Variants in OR52A5 observed in about 807,000 individuals in gnomAD.
The protein encoded by OR52A5 is olfactory receptor family 52 subfamily A member 5, also known as olfactory receptor 52A5.
A neutral mutation model predicts 18.2 loss-of-function variants in OR52A5; 16 were observed. The observed-to-expected ratio is 0.88, with a 90% CI of 0.60 to 1.34. The LOEUF (loss-of-function observed/expected upper bound fraction) is 1.34. Ranked by LOEUF, OR52A5 falls within the 40% of genes most tolerant of loss-of-function variation. The probability of loss-of-function intolerance (pLI) is 0.00; values close to 1 mark genes in which losing one functional copy is unlikely to be tolerated. For missense variants in OR52A5, 418 were observed against 383.0 expected (o/e 1.09, Z -0.76); for synonymous variants, 140 against 137.2 (o/e 1.02, Z -0.14).
chr11:5,138,062 A>C (rs1190427259), intron 1 of OR52A5: 2 of 152,188 alleles, frequency 1.3e-5, no homozygotes, highest in Admixed American at 1.3e-4. Context: ...ATCATTCTCT[A>C]GATGTCCTCC....
Position 5,132,297 on chromosome 11 carries a change from T to G in OR52A5, c.346A>C (p.Ile116Leu). ...CGATCCAGGGCCATTGCCAGAAGGA[T>G]ACCCGATTCAATTGCCTGGAATGAG... is the stretch of plus-strand genomic sequence containing the variant. ...IHSFQAIESGILLAMALDRYV... is the reference protein window; with the variant it reads ...IHSFQAIESGLLLAMALDRYV... Residue 116 changes from isoleucine (I) to leucine (L), a missense_variant, in exon 2 of 2, where the codon ATC (isoleucine) becomes CTC (leucine). Transcript: ENST00000307388. The G allele has an allele frequency of 6.2e-7, 1 of 1,614,182 alleles. No homozygotes were observed. Among genetic ancestry groups the G allele is most frequent in the African/African-American group, 1.3e-5 (1 of 75,046 alleles).
intron 1 of OR52A5, among the ~76,000 whole-genome samples, chr11:5,136,349 C>T (rs1846392508): frequency 6.6e-6 from 1 of 152,184 alleles, no homozygotes; most frequent in African/African-American, 2.4e-5. Flanking sequence ...GGCAGACTTT[C>T]TCAATCTCAG....
rs560953881 is a variant in OR52A5 at position 5,130,505 on chromosome 11, T to C, written c.*1187A>G. ...AAAATGGTTATTTCATTATTAAGTT[T>C]TGCTTATCTAATTCAACAATTTTTA... On this transcript the variant is annotated 3_prime_UTR_variant, in exon 2 of 2. Coordinates refer to ENST00000307388, the MANE Select transcript of OR52A5 (RefSeq NM_001005160.3). The C allele has an allele frequency of 1.3e-5, 2 of 152,218 alleles. No homozygotes were observed. Among genetic ancestry groups the C allele is most frequent in the South Asian group, 4.1e-4 (2 of 4,828 alleles). 9.4% of individuals were successfully genotyped at this position (152,218 alleles called of 1,614,324 possible). A position where few individuals can be genotyped will look rare whatever the true frequency, so the allele number is the denominator to read the frequency against.
chr11:5,132,398 T>G lies in OR52A5; in HGVS notation c.245A>C (p.Lys82Thr). 1.2e-6 allele frequency: 2 copies of G among 1,614,204 alleles called. No homozygotes were observed. Among genetic ancestry groups the G allele is most frequent in the South Asian group, 1.1e-5 (1 of 91,076 alleles). ...DIALNTCILP[K>T]MLGIFWFHLP... ...ATGAAACCAGAAGATGCCTAACATTTTGGGAAGAATGCAGGTGTTAAGTGC... is the reference window on the plus strand; with the variant it reads ...ATGAAACCAGAAGATGCCTAACATTGTGGGAAGAATGCAGGTGTTAAGTGC... The change falls in exon 2 of 2, where the codon AAA becomes ACA. Residue 82 changes from lysine to threonine, a missense_variant. Physicochemically the swap from Lys to Thr is moderately conservative, Grantham distance 78 (BLOSUM62 -1). Transcript: ENST00000307388.
intron 1 of OR52A5, among the ~76,000 whole-genome samples, chr11:5,133,287 GAA>G (rs1327675326): frequency 7.0e-6 from 1 of 142,708 alleles, no homozygotes; most frequent in East Asian, 2.2e-4. Context: ...AGAATGGCAT[GAA>G]CCCGGGAGGC....
In OR52A5 at chr11:5,132,425, A is replaced by G; in HGVS notation, c.218T>C (p.Ile73Thr). 2 of 1,614,164 alleles carry G rather than the reference A, an allele frequency of 1.2e-6. No homozygotes were observed. Among genetic ancestry groups the G allele is most frequent in the Non-Finnish European group, 1.7e-6 (2 of 1,179,998 alleles). Residue 73 changes from isoleucine to threonine, a missense_variant, in exon 2 of 2, where the codon ATT becomes ACT. Ile to Thr is a moderately conservative substitution (Grantham distance 89, BLOSUM62 -1). Coordinates refer to ENST00000307388, the MANE Select transcript of OR52A5 (RefSeq NM_001005160.3). ...GGGAAGAATGCAGGTGTTAAGTGCA[A>G]TGTCTGTGGCTGCCAACATGGCCAA... ...IFLAMLAATD[I>T]ALNTCILPKM...
chr11:5,128,900 G>A lies in OR52A5; in HGVS notation c.*2792C>T, dbSNP rs1846310498. ...ACGAAAGTATTTTCAATTAGGTAGT[G>A]ATGATGGTTGCACAGCCTTTATAAT... On this transcript the variant is annotated 3_prime_UTR_variant, in exon 2 of 2. Transcript: ENST00000307388. 1 of 151,994 alleles carries A rather than the reference G, an allele frequency of 6.6e-6. No individual in the cohort carries two copies. Among genetic ancestry groups the A allele is most frequent in the Admixed American group, 6.6e-5 (1 of 15,224 alleles). The allele number at this position is 151,994 out of a possible 1,614,324, so 9.4% of individuals were successfully genotyped here.
At position 5,129,614 on chromosome 11, in the gene OR52A5, C is replaced by A. The variant is rs1846315938; in HGVS notation, c.*2078G>T. The A allele has an allele frequency of 6.6e-6, 1 of 152,048 alleles. No homozygotes were observed. The highest frequency in any genetic ancestry group is 2.4e-5 in the African/African-American group (1 of 41,402). The allele number at this position is 152,048 out of a possible 1,614,324, so 9.4% of individuals were successfully genotyped here. On this transcript the variant is annotated 3_prime_UTR_variant, in exon 2 of 2. Transcript: ENST00000307388. ...TCTGCATCCAATTAGCCAGAGCCCTCAATTGAAGAGCAATGGAGCAGACTC... is the reference window on the plus strand; with the variant it reads ...TCTGCATCCAATTAGCCAGAGCCCTAAATTGAAGAGCAATGGAGCAGACTC...
intron 1 of OR52A5, among the ~76,000 whole-genome samples, chr11:5,134,844 T>A (rs1240909896): frequency 6.6e-6 from 1 of 152,070 alleles, no homozygotes; most frequent in African/African-American, 2.4e-5. Flanking sequence ...AAGAACAAAA[T>A]ATGCAAATTT....
rs779553804 is a variant in OR52A5 at position 5,132,395 on chromosome 11, A to C, written c.248T>G (p.Met83Arg). 1.9e-6 allele frequency: 3 copies of C among 1,614,208 alleles called. No homozygotes were observed. In the East Asian group the frequency reaches 6.7e-5, roughly 36 times the overall value. ...IALNTCILPK[M>R]LGIFWFHLPE... is the part of the protein sequence containing the mutation. Reference sequence around the variant, plus strand: ...CAAATGAAACCAGAAGATGCCTAACATTTTGGGAAGAATGCAGGTGTTAAG... The same window carrying C: ...CAAATGAAACCAGAAGATGCCTAACCTTTTGGGAAGAATGCAGGTGTTAAG... The change falls in exon 2 of 2, where the codon ATG becomes AGG. Residue 83 changes from methionine to arginine, a missense_variant. Transcript: ENST00000307388.
In OR52A5 at chr11:5,131,227, T is replaced by C. The variant is rs952680045; in HGVS notation, c.*465A>G. ...GTATGTTCAATTTTAGAACTTAAAC[T>C]TCCAAATTTGAGTAAAACTCAAGTT... On this transcript the variant is annotated 3_prime_UTR_variant, in exon 2 of 2. Coordinates refer to ENST00000307388, the MANE Select transcript of OR52A5 (RefSeq NM_001005160.3). 1.3e-5 allele frequency: 2 copies of C among 153,496 alleles called. No homozygotes were observed. The highest frequency in any genetic ancestry group is 1.3e-4 in the Admixed American group (2 of 15,502). The allele number at this position is 153,496 out of a possible 1,614,324, so 9.5% of individuals were successfully genotyped here.
In OR52A5 at chr11:5,131,366, A is replaced by AT. The variant is rs1054395772; in HGVS notation, c.*325dup. 1.1e-4 allele frequency: 18 copies of AT among 166,384 alleles called. No homozygotes were observed. The highest frequency in any genetic ancestry group is 2.9e-4 in the African/African-American group (12 of 41,612). The allele number at this position is 166,384 out of a possible 1,614,324, so 10.3% of individuals were successfully genotyped here. On this transcript the variant is annotated 3_prime_UTR_variant, in exon 2 of 2. Coordinates refer to ENST00000307388, the MANE Select transcript of OR52A5 (RefSeq NM_001005160.3). Reference sequence around the variant, plus strand: ...TTGTGAATATGTTTAATATTTTTCAATTTTTTTTGCATTCTCTCCTGTGTA... The same window carrying AT: ...TTGTGAATATGTTTAATATTTTTCAATTTTTTTTTGCATTCTCTCCTGTGTA...
rs1012227069 is a variant in OR52A5 at position 5,128,876 on chromosome 11, C to T, written c.*2816G>A. The T allele has an allele frequency of 6.5e-4, 99 of 151,660 alleles. No homozygotes were observed. Among genetic ancestry groups the T allele is most frequent in the African/African-American group, 2.2e-3 (91 of 41,334 alleles). 9.4% of individuals were successfully genotyped at this position (151,660 alleles called of 1,614,324 possible). Reference sequence around the variant, plus strand: ...GTATATAGATTTTTTTTTAGGATGACGAAAGTATTTTCAATTAGGTAGTGA... The same window carrying T: ...GTATATAGATTTTTTTTTAGGATGATGAAAGTATTTTCAATTAGGTAGTGA... On this transcript the variant is annotated 3_prime_UTR_variant, in exon 2 of 2. Coordinates refer to ENST00000307388, the MANE Select transcript of OR52A5 (RefSeq NM_001005160.3).
At chr11:5,133,054 T>C (rs1284659076) in intron 1 of OR52A5, among the ~76,000 whole-genome samples, 1 of 152,090 alleles carries the variant, frequency 6.6e-6, no homozygotes, top group African/African-American at 2.4e-5. Context: ...AAAACTAGAC[T>C]TCATCTACAT....
rs1160070924 is a variant in OR52A5 at position 5,138,327 on chromosome 11, C to T, written c.-77G>A. On this transcript the variant is annotated 5_prime_UTR_variant, in exon 1 of 2. Transcript: ENST00000307388. ...AAGACTTACCAGGGATATCAATGGA[C>T]TTATAAGTAGAAGCCATAGAGGAGA... 6.6e-6 allele frequency: 1 copy of T among 152,152 alleles called. No homozygotes were observed. Among genetic ancestry groups the T allele is most frequent in the Non-Finnish European group, 1.5e-5 (1 of 68,032 alleles). The allele number at this position is 152,152 out of a possible 1,614,324, so 9.4% of individuals were successfully genotyped here.
In OR52A5 at chr11:5,129,748, G is replaced by A. The variant is rs947673467; in HGVS notation, c.*1944C>T. 9 of 152,054 alleles carry A rather than the reference G, an allele frequency of 5.9e-5. No homozygotes were observed. Among genetic ancestry groups the A allele is most frequent in the African/African-American group, 2.2e-4 (9 of 41,390 alleles). 9.4% of individuals were successfully genotyped at this position (152,054 alleles called of 1,614,324 possible). On this transcript the variant is annotated 3_prime_UTR_variant, in exon 2 of 2. Transcript: ENST00000307388. ...GCATGGAACAAATTTGACCTGTAAA[G>A]AAGACCAAAAAGCAACCAAGAAGTC...
Position 5,131,848 on chromosome 11 carries a change from G to T in OR52A5, c.795C>A (p.His265Gln), listed in dbSNP as rs758226230. Residue 265 changes from histidine (H) to glutamine (Q), a missense_variant, in exon 2 of 2, where the codon CAC (histidine) becomes CAA (glutamine). Coordinates refer to ENST00000307388, the MANE Select transcript of OR52A5 (RefSeq NM_001005160.3). ...YLLAFFSFFT[H>Q]RFGSHIPPYI... Reference sequence around the variant, plus strand: ...ATGGTGGTATGTGTGAACCAAACCTGTGTGTGAAGAAAGAGAAGAAGGCAA... The same window carrying T: ...ATGGTGGTATGTGTGAACCAAACCTTTGTGTGAAGAAAGAGAAGAAGGCAA... 4.3e-6 allele frequency: 7 copies of T among 1,614,018 alleles called. No individual in the cohort carries two copies. The East Asian group carries it at 1.6e-4, about 36-fold the overall frequency.
In OR52A5 at chr11:5,131,800, A is replaced by G. The variant is rs1173509797; in HGVS notation, c.843T>C (p.Asn281=). 3.7e-6 allele frequency: 6 copies of G among 1,613,940 alleles called. No individual in the cohort carries two copies. The highest frequency in any genetic ancestry group is 4.2e-6 in the Non-Finnish European group (5 of 1,179,920). Residue 281 remains asparagine, a synonymous_variant, in exon 2 of 2, where the codon AAT becomes AAC. Transcript: ENST00000307388. The part of the protein sequence containing the change: ...IPPYIHILLS[N]LYLLVPPFLN... ...GAAAAGGTGGGACTAACAGGTAAAG[A>G]TTTGACAAGAGGATATGAATATATG...
At chr11:5,133,138 G>A (rs368867750) in intron 1 of OR52A5, among the ~76,000 whole-genome samples, 4 of 152,034 alleles carry the variant, frequency 2.6e-5, no homozygotes, top group Admixed American at 2.6e-4. Context: ...GGGAGGCCAA[G>A]GTGGGTGGAT....
Sources: allele counts gnomAD v4.1 joint callset (sites outside exome capture counted in the v4.1 genomes callset), GRCh38; gene constraint gnomAD v4.1.1; transcripts MANE v1.5; gene names NCBI Gene and HGNC (gene_info 2026-07-23, HGNC 2026-07-21).